NUAK1: variants seen among roughly 807,000 people sequenced by gnomAD.
The protein encoded by NUAK1 is NUAK family SNF1-like kinase 1.
In NUAK1, 26 loss-of-function variants were observed where a neutral mutation model predicts 56.9. That is an observed-to-expected ratio of 0.46 (90% CI 0.33 to 0.63). NUAK1 has a LOEUF of 0.63. Among genes scored for constraint, NUAK1 ranks in the 30% least tolerant of loss-of-function variants. NUAK1 has a pLI of 0.02. For synonymous variants in NUAK1, 337 were observed against 336.0 expected (o/e 1.00, Z -0.03); for missense variants, 727 against 876.1 (o/e 0.83, Z 2.15).
chr12:106,077,524 A>G (rs1290342946), intron 4 of NUAK1, among the ~76,000 whole-genome samples: 2 of 152,244 alleles, frequency 1.3e-5, no homozygotes, highest in Admixed American at 1.3e-4. Context: ...ACTCATTTAT[A>G]ATACAGTCAC....
At chr12:106,106,701 T>TGAA (rs969659507) in intron 1 of NUAK1, among the ~76,000 whole-genome samples, 176 bp from the exon 2 acceptor site, 2 of 152,210 alleles carry the variant, frequency 1.3e-5, no homozygotes, top group African/African-American at 4.8e-5. Context: ...AACACCCTTC[T>TGAA]CCTGGCAACA....
chr12:106,112,361 G>A (rs957937044), intron 1 of NUAK1, among the ~76,000 whole-genome samples: 5 of 152,060 alleles, frequency 3.3e-5, no homozygotes, highest in Non-Finnish European at 7.4e-5. Context: ...AGCCAAGCCC[G>A]GCTGGAGGCT....
At chr12:106,073,447 T>G (rs2032427181) in intron 4 of NUAK1, among the ~76,000 whole-genome samples, 1 of 152,240 alleles carries the variant, frequency 6.6e-6, no homozygotes, top group Non-Finnish European at 1.5e-5. Flanking sequence ...GTCCCAACTC[T>G]GCTCCTATCT....
chr12:106,076,852 G>T (rs1198974131), intron 4 of NUAK1, among the ~76,000 whole-genome samples: 1 of 152,190 alleles, frequency 6.6e-6, no homozygotes. Flanking sequence ...CTGGGAGGAG[G>T]GGGAAAGGGG....
rs2032329689 is a variant in NUAK1, at chr12:106,065,704, A to G, written c.*1098T>C. The stretch of plus-strand genomic sequence containing the variant: ...ACAGAGCCAATGGTTCAGCCAGGTA[A>G]TCCTCTGGAGAATATGGACAGTATC... On this transcript the variant is annotated 3_prime_UTR_variant, in exon 7 of 7. Transcript: ENST00000261402. The G allele has an allele frequency of 6.6e-6, 1 of 152,632 alleles. No homozygotes were observed. Among genetic ancestry groups the G allele is most frequent in the Non-Finnish European group, 1.5e-5 (1 of 68,044 alleles). The allele number at this position is 152,632 out of a possible 1,614,324, so 9.5% of individuals were successfully genotyped here.
intron 1 of NUAK1, among the ~76,000 whole-genome samples, chr12:106,135,482 T>C (rs1039084955): frequency 2.6e-5 from 4 of 152,216 alleles, no homozygotes; most frequent in Admixed American, 6.5e-5. Context: ...CTTCCAGGTA[T>C]GCAATTAAAA....
chr12:106,087,480 C>T lies in NUAK1; in HGVS notation c.362-595G>A, dbSNP rs371510027. On this transcript the variant is annotated intron_variant, in intron 2 of 6. Coordinates refer to ENST00000261402, the MANE Select transcript of NUAK1 (RefSeq NM_014840.3). ...CCAGTCAAATGTAAAAGGGGGTTGT[C>T]CTGTTTCACTCACTGGTGTATCCTC... Among the ~76,000 whole-genome samples, 40 of 152,300 alleles carry T rather than the reference C, an allele frequency of 2.6e-4. No individual in the cohort carries two copies. The South Asian group carries it at 8.3e-3, about 32-fold the overall frequency.
intron 6 of NUAK1, among the ~76,000 whole-genome samples, chr12:106,069,487 G>A (rs1349950159): frequency 1.3e-5 from 2 of 152,212 alleles, no homozygotes; most frequent in African/African-American, 2.4e-5. Context: ...GCCTTATGGA[G>A]AAGATAAGTG....
At chr12:106,119,015 G>A (rs774654868) in intron 1 of NUAK1, among the ~76,000 whole-genome samples, 4 of 152,198 alleles carry the variant, frequency 2.6e-5, no homozygotes, top group Admixed American at 1.3e-4. Context: ...GTCCATCTCA[G>A]TATTAATCTA....
In NUAK1 at chr12:106,064,883, T is replaced by G. The variant is rs1179423365; in HGVS notation, c.*1919A>C. The stretch of plus-strand genomic sequence containing the variant: ...AGTTCAGGAAGGAGGTGGAATTGAA[T>G]GAAAGGAAATTGAGCAGCTTCCCAT... On this transcript the variant is annotated 3_prime_UTR_variant, in exon 7 of 7. Transcript: ENST00000261402. 6.8e-6 allele frequency: 1 copy of G among 147,870 alleles called. No individual in the cohort carries two copies. The highest frequency in any genetic ancestry group is 2.5e-5 in the African/African-American group (1 of 39,994). The allele number at this position is 147,870 out of a possible 1,614,324, so 9.2% of individuals were successfully genotyped here. A position where few individuals can be genotyped will look rare whatever the true frequency, so the allele number is the denominator to read the frequency against.
In NUAK1 at chr12:106,138,599, C is replaced by A; in HGVS notation, c.55G>T (p.Ala19Ser). Residue 19 changes from alanine (A) to serine (S), a missense_variant, in exon 1 of 7, where the codon GCG becomes TCG. Ala to Ser is a moderately conservative substitution (Grantham distance 99, BLOSUM62 1). Transcript: ENST00000261402. The surrounding 1 kb of genome is among the most constrained non-coding windows in gnomAD (Gnocchi z 5.0). ...AGDRPDLGLG[A>S]PGSPREAVAG... is the part of the protein sequence containing the mutation. ...ACCGCCTCTCGGGGAGAGCCCGGCG[C>A]CCCCAGCCCCAAGTCGGGGCGGTCC... is the stretch of plus-strand genomic sequence containing the variant. 2 of 1,571,030 alleles carry A rather than the reference C, an allele frequency of 1.3e-6. No homozygotes were observed. The highest frequency in any genetic ancestry group is 1.7e-6 in the Non-Finnish European group (2 of 1,165,924).
chr12:106,123,940 C>T (rs1232734252), intron 1 of NUAK1, among the ~76,000 whole-genome samples: 1 of 152,118 alleles, frequency 6.6e-6, no homozygotes, highest in South Asian at 2.1e-4. Context: ...TAAATTCCAC[C>T]GGAAAATTGG....
Position 106,066,815 on chromosome 12 carries a change from C to T in NUAK1, c.1973G>A (p.Ser658Asn). 6.2e-7 allele frequency: 1 copy of T among 1,608,426 alleles called. No individual in the cohort carries two copies. Among genetic ancestry groups the T allele is most frequent in the Non-Finnish European group, 8.5e-7 (1 of 1,175,806 alleles). ...QVYKQALEIC[S>N]KLN ...CGCCCTGGAATGCTAGTTGAGCTTGCTGCAGATCTCCAGCGCTTGCTTGTA... is the reference window on the plus strand; with the variant it reads ...CGCCCTGGAATGCTAGTTGAGCTTGTTGCAGATCTCCAGCGCTTGCTTGTA... The change falls in exon 7 of 7, where the codon AGC becomes AAC. Residue 658 changes from serine (S) to asparagine (N), a missense_variant. Physicochemically the swap from Ser to Asn is conservative, Grantham distance 46. Transcript: ENST00000261402.
At chr12:106,107,928 T>C (rs1309598237) in intron 1 of NUAK1, among the ~76,000 whole-genome samples, 1 of 152,180 alleles carries the variant, frequency 6.6e-6, no homozygotes, top group Non-Finnish European at 1.5e-5. Flanking sequence ...AAATCAGCAT[T>C]TGTGTCTTTA....
chr12:106,112,646 G>A (rs2032873802), intron 1 of NUAK1, among the ~76,000 whole-genome samples: 1 of 152,214 alleles, frequency 6.6e-6, no homozygotes, highest in African/African-American at 2.4e-5. Context: ...TGGGAACCAA[G>A]CCAGCTCTGC....
At chr12:106,088,514 C>T (rs1184209707) in intron 2 of NUAK1, among the ~76,000 whole-genome samples, 4 of 152,208 alleles carry the variant, frequency 2.6e-5, no homozygotes, top group Non-Finnish European at 5.9e-5. Context: ...TCTGCCTAGA[C>T]GGACAGAGCT....
At chr12:106,108,483 A>G (rs1253699174) in intron 1 of NUAK1, among the ~76,000 whole-genome samples, 1 of 149,500 alleles carries the variant, frequency 6.7e-6, no homozygotes, top group Non-Finnish European at 1.5e-5. Context: ...CATTCAGTAT[A>G]GGGCAAGAAA....
At chr12:106,123,478 C>T (rs1366473749) in intron 1 of NUAK1, among the ~76,000 whole-genome samples, 1 of 151,888 alleles carries the variant, frequency 6.6e-6, no homozygotes, top group Non-Finnish European at 1.5e-5. Flanking sequence ...CCATATGTGC[C>T]CATATTAGAC....
At chr12:106,102,404 A>G (rs541968209) in intron 2 of NUAK1, among the ~76,000 whole-genome samples, 1 of 152,338 alleles carries the variant, frequency 6.6e-6, no homozygotes, top group East Asian at 1.9e-4. Context: ...TATGGTAGCC[A>G]CTAGCCTCCT....
Sources: gnomAD v4.1 joint callset for allele counts (sites outside exome capture counted in the v4.1 genomes callset) on GRCh38, gnomAD v4.1.1 for gene constraint, Gnocchi (gnomAD v3.1) non-coding constraint, MANE v1.5 for transcripts, NCBI Gene and HGNC (gene_info 2026-07-23, HGNC 2026-07-21) for gene names.